SLC11A1: variants seen among roughly 807,000 people sequenced by gnomAD.
SLC11A1 encodes natural resistance-associated macrophage protein 1.
In SLC11A1, 59 loss-of-function variants were observed where a neutral mutation model predicts 63.2. The observed-to-expected ratio is 0.93, with a 90% CI of 0.76 to 1.16. The LOEUF is 1.16. Ranked by LOEUF, SLC11A1 falls within the 50% of genes most tolerant of loss-of-function variation. The pLI, the probability that SLC11A1 is intolerant of heterozygous loss-of-function variation, is 0.00. For missense variants in SLC11A1, 688 were observed against 730.7 expected (o/e 0.94, Z 0.67); for synonymous variants, 305 against 307.8 (o/e 0.99, Z 0.09).
rs925780794 is a variant in SLC11A1 at position 218,383,072 on chromosome 2, TG to T, written c.121del (p.Glu41ArgfsTer28). 1.9e-6 allele frequency: 3 copies of T among 1,613,710 alleles called. No homozygotes were observed. In the African/African-American group the frequency reaches 4.0e-5, roughly 22 times the overall value. ...QAPPRETYLS[E>X]KIPIPDTKPG... Reference sequence around the variant, plus strand: ...CACCTCCCAGAGAGACCTACCTGAGTGAGAAGATCCCCATCCCAGACACAAA... The same window carrying T: ...CACCTCCCAGAGAGACCTACCTGAGTAGAAGATCCCCATCCCAGACACAAA... On this transcript the variant is annotated frameshift_variant, in exon 2 of 15. Coordinates refer to ENST00000233202, the MANE Select transcript of SLC11A1 (RefSeq NM_000578.4). LOFTEE classifies it high-confidence loss of function.
intron 9 of SLC11A1, 135 bp from the exon 10 acceptor site, chr2:218,391,063 A>T: frequency 4.3e-6 from 3 of 703,514 alleles, no homozygotes; most frequent in Non-Finnish European, 7.5e-6. Flanking sequence ...TTATTTTGTT[A>T]GCCAAACAAA....
At position 218,394,720 on chromosome 2, in the gene SLC11A1, C is replaced by T. The variant is rs964656572; in HGVS notation, c.1477C>T (p.His493Tyr). ...GGTCAGCTATCTGCCCAGCCTGCCCCACCCTGCCTACTTCGGCCTTGCAGC... is the reference window on the plus strand; with the variant it reads ...GGTCAGCTATCTGCCCAGCCTGCCCTACCCTGCCTACTTCGGCCTTGCAGC... ...FVVSYLPSLP[H>Y]PAYFGLAALL... Residue 493 changes from histidine to tyrosine, a missense_variant, in exon 14 of 15, where the codon CAC (histidine) becomes TAC (tyrosine). Transcript: ENST00000233202. 24 of 1,614,078 alleles carry T rather than the reference C, an allele frequency of 1.5e-5. No individual in the cohort carries two copies. The highest frequency in any genetic ancestry group is 2.2e-5 in the East Asian group (1 of 44,894).
At chr2:218,390,535 G>T (rs550531123) in intron 9 of SLC11A1, among the ~76,000 whole-genome samples, 10 of 152,318 alleles carry the variant, frequency 6.6e-5, no homozygotes, top group Non-Finnish European at 1.2e-4. Context: ...AACAACTGCA[G>T]CCAGGGTTGG....
At chr2:218,390,169 C>A in intron 9 of SLC11A1, 141 bp downstream of exon 9, 1 of 871,956 alleles carries the variant, frequency 1.1e-6, no homozygotes, top group Non-Finnish European at 1.7e-6. Flanking sequence ...ATCATTCATT[C>A]AGCAAATAAT....
In SLC11A1 at chr2:218,395,016, A is replaced by T. The variant is rs763577706; in HGVS notation, c.1634A>T (p.Lys545Ile). Reference protein sequence around the residue: ...FLYGLLEEDQKGETSG With the variant: ...FLYGLLEEDQIGETSG ...TATGGGCTCCTTGAAGAGGACCAGAAAGGGGAGACCTCTGGCTAGGCCCAC... is the reference window on the plus strand; with the variant it reads ...TATGGGCTCCTTGAAGAGGACCAGATAGGGGAGACCTCTGGCTAGGCCCAC... The change falls in exon 15 of 15, where the codon AAA becomes ATA. Residue 545 changes from lysine (K) to isoleucine (I), a missense_variant. Physicochemically the swap from Lys to Ile is moderately radical, Grantham distance 102. Transcript: ENST00000233202. The T allele has an allele frequency of 2.5e-6, 4 of 1,608,180 alleles. No homozygotes were observed. Among genetic ancestry groups the T allele is most frequent in the Non-Finnish European group, 3.4e-6 (4 of 1,177,058 alleles).
rs140402794 is a variant in SLC11A1, at chr2:218,384,011, C to T, written c.151-232C>T. On this transcript the variant is annotated intron_variant, in intron 2 of 14. Coordinates refer to ENST00000233202, the MANE Select transcript of SLC11A1 (RefSeq NM_000578.4). The surrounding 1 kb of genome is among the most constrained non-coding windows in gnomAD (Gnocchi z 4.0). ...AGGGGCAGGCAGTTCAGGTGCAAGCCGGCTGCTGAGCTTAACAGATCCAGA... is the reference window on the plus strand; with the variant it reads ...AGGGGCAGGCAGTTCAGGTGCAAGCTGGCTGCTGAGCTTAACAGATCCAGA... The T allele has an allele frequency of 1.2e-4, 39 of 320,942 alleles. 1 individual carries two copies. The highest frequency in any genetic ancestry group is 8.7e-4 in the Middle Eastern group (1 of 1,152). The allele number at this position is 320,942 out of a possible 1,614,324, so 19.9% of individuals were successfully genotyped here.
chr2:218,385,109 G>A, intron 3 of SLC11A1, 38 bp from the exon 4 acceptor site: 2 of 1,611,026 alleles, frequency 1.2e-6, no homozygotes, highest in Admixed American at 1.7e-5. Context: ...TCTGAGGCTG[G>A]CCTCTCTGGC....
Position 218,387,153 on chromosome 2 carries a change from G to A in SLC11A1, c.501-7G>A. On this transcript the variant is annotated splice_polypyrimidine_tract_variant and splice_region_variant and intron_variant, in intron 5 of 14. Transcript: ENST00000233202. ...GGCTGGGCTGACCCGGGCCACTCTG[G>A]TTTCAGAATCCCACTCTGGGGTGGC... 1 of 1,614,172 alleles carries A rather than the reference G, an allele frequency of 6.2e-7. No homozygotes were observed. The highest frequency in any genetic ancestry group is 8.5e-7 in the Non-Finnish European group (1 of 1,179,988).
rs190450607 is a variant in SLC11A1, at chr2:218,382,845, C to G, written c.8-115C>G. ...GAGGTGATGGACCCAAGATGGGGGC[C>G]AGGGACCTTAGTTTCTCCACTTTTC... On this transcript the variant is annotated intron_variant, in intron 1 of 14. Transcript: ENST00000233202. 8 of 1,337,994 alleles carry G rather than the reference C, an allele frequency of 6.0e-6. No homozygotes were observed. In the East Asian group the frequency reaches 1.8e-4, roughly 31 times the overall value. The allele number at this position is 1,337,994 out of a possible 1,614,324, so 82.9% of individuals were successfully genotyped here.
Position 218,384,433 on chromosome 2 carries a change from C to A in SLC11A1, c.273+68C>A. The A allele has an allele frequency of 6.6e-7, 1 of 1,522,914 alleles. No homozygotes were observed. The highest frequency in any genetic ancestry group is 1.8e-5 in the Admixed American group (1 of 54,188). 94.3% of individuals were successfully genotyped at this position (1,522,914 alleles called of 1,614,324 possible). The stretch of plus-strand genomic sequence containing the variant: ...GGTGACCAGGCTAAGTGTTGAAGGC[C>A]CCTGCTGGCCATGTTTCTCCAATGT... On this transcript the variant is annotated intron_variant, in intron 3 of 14. Coordinates refer to ENST00000233202, the MANE Select transcript of SLC11A1 (RefSeq NM_000578.4). This position sits in a 1 kb window ranked among gnomAD's most constrained non-coding sequence, Gnocchi z 4.0.
At position 218,396,835 on chromosome 2, in the gene SLC11A1, C is replaced by T. The variant is rs922298463; in HGVS notation, c.*1800C>T. 5 of 152,704 alleles carry T rather than the reference C, an allele frequency of 3.3e-5. No homozygotes were observed. Among genetic ancestry groups the T allele is most frequent in the African/African-American group, 1.2e-4 (5 of 41,468 alleles). 9.5% of individuals were successfully genotyped at this position (152,704 alleles called of 1,614,324 possible). ...TTGAGTGCCAGTCCTCTGCCAGGCTCTGTGTTACAAGTTGGGGAGGGCGGC... is the reference window on the plus strand; with the variant it reads ...TTGAGTGCCAGTCCTCTGCCAGGCTTTGTGTTACAAGTTGGGGAGGGCGGC... On this transcript the variant is annotated 3_prime_UTR_variant, in exon 15 of 15. Coordinates refer to ENST00000233202, the MANE Select transcript of SLC11A1 (RefSeq NM_000578.4).
intron 11 of SLC11A1, chr2:218,392,769 G>A (rs1165677456): frequency 2.1e-6 from 1 of 484,576 alleles, no homozygotes; most frequent in African/African-American, 2.0e-5. Context: ...CCCCAAAACT[G>A]TTTAGTCTTC....
chr2:218,394,031 G>C, intron 12 of SLC11A1, 89 bp from the exon 13 acceptor site: 1 of 1,328,258 alleles, frequency 7.5e-7, no homozygotes, highest in East Asian at 2.3e-5. Context: ...CACCCACACA[G>C]AGGGTGTCAA....
Position 218,387,582 on chromosome 2 carries a change from G to A in SLC11A1, c.589G>A (p.Ala197Thr). Reference protein sequence around the residue: ...LDNYGLRKLEAFFGLLITIMA... With the variant: ...LDNYGLRKLETFFGLLITIMA... ...CTCCGTAGGGCTGCGGAAGCTGGAA[G>A]CTTTTTTTGGACTCCTTATAACCAT... The change falls in exon 7 of 15, where the codon GCT becomes ACT. Residue 197 changes from alanine to threonine, a missense_variant. Physicochemically the swap from Ala to Thr is moderately conservative, Grantham distance 58 (BLOSUM62 0). Transcript: ENST00000233202. 6.2e-7 allele frequency: 1 copy of A among 1,614,214 alleles called. No homozygotes were observed. The highest frequency in any genetic ancestry group is 1.7e-5 in the Admixed American group (1 of 60,022).
chr2:218,396,255 A>C lies in SLC11A1; in HGVS notation c.*1220A>C, dbSNP rs1410425133. 6.6e-6 allele frequency: 1 copy of C among 152,350 alleles called. No homozygotes were observed. Among genetic ancestry groups the C allele is most frequent in the Non-Finnish European group, 1.5e-5 (1 of 68,076 alleles). 9.4% of individuals were successfully genotyped at this position (152,350 alleles called of 1,614,324 possible). ...GTGGGCGGGGAGCCCCCTCTGCCTT[A>C]GGGAGCGGCTGGGCACCCATTCGCC... is the stretch of plus-strand genomic sequence containing the variant. On this transcript the variant is annotated 3_prime_UTR_variant, in exon 15 of 15. Coordinates refer to ENST00000233202, the MANE Select transcript of SLC11A1 (RefSeq NM_000578.4).
At chr2:218,386,041 C>T (rs1005144007) in intron 4 of SLC11A1, among the ~76,000 whole-genome samples, 3 of 152,216 alleles carry the variant, frequency 2.0e-5, no homozygotes, top group African/African-American at 4.8e-5. Flanking sequence ...GCCCCAGAGC[C>T]ATCCTTTGCT....
chr2:218,389,947 C>G lies in SLC11A1; in HGVS notation c.873C>G (p.Ala291=), dbSNP rs752852291. The change falls in exon 9 of 15, where the codon GCC becomes GCG. Residue 291 remains alanine, a synonymous_variant. Coordinates refer to ENST00000233202, the MANE Select transcript of SLC11A1 (RefSeq NM_000578.4). The stretch of plus-strand genomic sequence containing the variant: ...ACTTCCTGATTGAGGCCACCATCGC[C>G]CTGTCCGTCTCCTTTATCATCAACC... ...NMYFLIEATI[A]LSVSFIINLF... The G allele has an allele frequency of 6.2e-7, 1 of 1,614,080 alleles. No individual in the cohort carries two copies.
chr2:218,387,745 A>G lies in SLC11A1; in HGVS notation c.640-55A>G. On this transcript the variant is annotated intron_variant, in intron 7 of 14. Coordinates refer to ENST00000233202, the MANE Select transcript of SLC11A1 (RefSeq NM_000578.4). The stretch of plus-strand genomic sequence containing the variant: ...GTGGGATGGAGGCTGAGAAATGGTG[A>G]CCGCGGCGTGGTTGCGAGGGGCGGG... 3.7e-6 allele frequency: 6 copies of G among 1,611,692 alleles called. No individual in the cohort carries two copies. The South Asian group carries it at 5.5e-5, about 15-fold the overall frequency.
rs766659240 is a variant in SLC11A1, at chr2:218,384,214, C to T, written c.151-29C>T. The T allele has an allele frequency of 7.0e-6, 11 of 1,569,924 alleles. No individual in the cohort carries two copies. In the African/African-American group the frequency reaches 1.5e-4, roughly 21 times the overall value. On this transcript the variant is annotated intron_variant, in intron 2 of 14. Coordinates refer to ENST00000233202, the MANE Select transcript of SLC11A1 (RefSeq NM_000578.4). The surrounding 1 kb of genome is among the most constrained non-coding windows in gnomAD (Gnocchi z 4.0). Reference sequence around the variant, plus strand: ...CCACCATCCCTATACCCAGGACCCCCTCACTCTACTCCTCCCACCCCCCAA... The same window carrying T: ...CCACCATCCCTATACCCAGGACCCCTTCACTCTACTCCTCCCACCCCCCAA...
Sources: allele counts gnomAD v4.1 joint callset (sites outside exome capture counted in the v4.1 genomes callset), GRCh38; gene constraint gnomAD v4.1.1; non-coding constraint Gnocchi (gnomAD v3.1); transcripts MANE v1.5; gene names NCBI Gene and HGNC (gene_info 2026-07-23, HGNC 2026-07-21).